Variants in ZNF804B observed in about 807,000 individuals in gnomAD.
ZNF804B encodes the protein zinc finger protein 804B, also known as zinc finger 804B.
ZNF804B carries 80 observed loss-of-function variants against 101.4 expected under a neutral mutation model. That is an observed-to-expected ratio of 0.79 (90% confidence interval 0.66 to 0.95). ZNF804B has a LOEUF of 0.95. Ranked by LOEUF, ZNF804B falls within the 40% of genes least tolerant of loss-of-function variation. ZNF804B has a pLI of 0.00. For missense variants in ZNF804B, 1,673 were observed against 1,561.9 expected (o/e 1.07, Z -1.20); for synonymous variants, 622 against 558.8 (o/e 1.11, Z -1.59).
At chr7:89,152,426 GT>G (rs1297140849) in intron 1 of ZNF804B, among the ~76,000 whole-genome samples, 1 of 151,548 alleles carries the variant, frequency 6.6e-6, no homozygotes, top group Non-Finnish European at 1.5e-5. Flanking sequence ...TTCAGCTTCA[GT>G]TTTTTTCTAT....
chr7:88,979,151 GTTA>G (rs760049932), intron 1 of ZNF804B, among the ~76,000 whole-genome samples: 5 of 151,838 alleles, frequency 3.3e-5, no homozygotes, highest in African/African-American at 7.2e-5. Flanking sequence ...AGTTATTGTA[GTTA>G]TTATTTTTGA....
intron 1 of ZNF804B, among the ~76,000 whole-genome samples, chr7:89,040,398 G>A (rs1039087607): frequency 6.6e-6 from 1 of 151,806 alleles, no homozygotes; most frequent in Non-Finnish European, 1.5e-5. Flanking sequence ...ACTTGACTGA[G>A]CTATCTGTTG....
chr7:88,994,552 C>T (rs1048539196), intron 1 of ZNF804B, among the ~76,000 whole-genome samples: 2 of 152,042 alleles, frequency 1.3e-5, no homozygotes, highest in African/African-American at 4.8e-5. Context: ...ACTTAAGTCA[C>T]TAATTGCTTC....
intron 1 of ZNF804B, among the ~76,000 whole-genome samples, chr7:89,064,804 G>T (rs1191743117): frequency 6.6e-6 from 1 of 152,056 alleles, no homozygotes; most frequent in Non-Finnish European, 1.5e-5. Context: ...GTGGAAGGTG[G>T]TCACATCATA....
At chr7:88,893,601 G>A (rs1792244923) in intron 1 of ZNF804B, among the ~76,000 whole-genome samples, 1 of 152,064 alleles carries the variant, frequency 6.6e-6, no homozygotes, top group Non-Finnish European at 1.5e-5. Context: ...ATAGAGTGTT[G>A]AACTTAATAG....
intron 1 of ZNF804B, among the ~76,000 whole-genome samples, chr7:89,199,833 ATG>A (rs994219761): frequency 3.3e-5 from 5 of 149,510 alleles, no homozygotes; most frequent in South Asian, 2.1e-4. Context: ...ACATCCATAT[ATG>A]TGTGTGTGTA....
chr7:89,233,128 G>A (rs879547401), intron 2 of ZNF804B, among the ~76,000 whole-genome samples: 8 of 151,868 alleles, frequency 5.3e-5, no homozygotes, highest in Non-Finnish European at 1.0e-4. Context: ...GGGTTTCCCC[G>A]TGTTAGCCAG....
At chr7:88,847,414 T>C (rs1224691077) in intron 1 of ZNF804B, among the ~76,000 whole-genome samples, 1 of 152,112 alleles carries the variant, frequency 6.6e-6, no homozygotes, top group Non-Finnish European at 1.5e-5. Context: ...TTTAGGAGCT[T>C]AATTTGTAAA....
chr7:89,248,475 A>G (rs2115781114), intron 2 of ZNF804B, among the ~76,000 whole-genome samples: 1 of 130,622 alleles, frequency 7.7e-6, no homozygotes, highest in East Asian at 2.0e-4. Context: ...TGAAAAAAAA[A>G]GAAAAAAGAA....
intron 2 of ZNF804B, among the ~76,000 whole-genome samples, chr7:89,218,985 G>A (rs1004206309): frequency 6.6e-5 from 10 of 151,916 alleles, no homozygotes; most frequent in Admixed American, 1.3e-4. Flanking sequence ...TCAGTTCAAA[G>A]GTCAACTGTA....
chr7:89,267,212 C>T (rs1364950168), intron 2 of ZNF804B, among the ~76,000 whole-genome samples: 1 of 151,904 alleles, frequency 6.6e-6, no homozygotes, highest in Non-Finnish European at 1.5e-5. Flanking sequence ...TTCTTCTTTC[C>T]AAGGCTATAT....
chr7:89,324,337 T>G (rs1790866066), intron 2 of ZNF804B, among the ~76,000 whole-genome samples: 2 of 151,946 alleles, frequency 1.3e-5, no homozygotes, highest in African/African-American at 4.8e-5. Flanking sequence ...TGTCTTACAG[T>G]GATATGGCCC....
In ZNF804B at chr7:89,081,196, G is replaced by T. The variant is rs912884398; in HGVS notation, c.109-136959G>T. On this transcript the variant is annotated intron_variant, in intron 1 of 3. Transcript: ENST00000333190. ...CTTCAGGGACACTAGACAGCTCAGG[G>T]CTAGAAATTTGAAACTTATTCAGTG... Among the ~76,000 whole-genome samples, 18 of 151,922 alleles carry T rather than the reference G, an allele frequency of 1.2e-4. No homozygotes were observed. The South Asian group carries it at 2.3e-3, about 19-fold the overall frequency.
At chr7:89,147,717 G>A (rs925239750) in intron 1 of ZNF804B, among the ~76,000 whole-genome samples, 9 of 151,886 alleles carry the variant, frequency 5.9e-5, no homozygotes, top group African/African-American at 2.2e-4. Context: ...TGTCAGATCA[G>A]CAGCAGAATT....
intron 1 of ZNF804B, among the ~76,000 whole-genome samples, chr7:88,855,509 T>C (rs1364167590): frequency 6.6e-6 from 1 of 152,144 alleles, no homozygotes; most frequent in Non-Finnish European, 1.5e-5. Flanking sequence ...TATTAGCCCT[T>C]TGTCAGATGA....
At chr7:89,314,546 T>C (rs1790691895) in intron 2 of ZNF804B, among the ~76,000 whole-genome samples, 1 of 152,218 alleles carries the variant, frequency 6.6e-6, no homozygotes, top group African/African-American at 2.4e-5. Flanking sequence ...TATTTTAACA[T>C]GATTATAATT....
intron 1 of ZNF804B, among the ~76,000 whole-genome samples, chr7:89,084,104 G>T (rs1789738158): frequency 6.6e-6 from 1 of 151,928 alleles, no homozygotes; most frequent in Admixed American, 6.6e-5. Context: ...CAAAATCTGG[G>T]TGGACACACA....
chr7:88,878,447 A>G (rs954882304), intron 1 of ZNF804B, among the ~76,000 whole-genome samples: 2 of 152,186 alleles, frequency 1.3e-5, no homozygotes, highest in Non-Finnish European at 2.9e-5. Context: ...AGGATAGATT[A>G]CTCAGTATTC....
intron 1 of ZNF804B, among the ~76,000 whole-genome samples, chr7:89,037,074 A>G (rs1332659971): frequency 6.6e-6 from 1 of 152,154 alleles, no homozygotes; most frequent in African/African-American, 2.4e-5. Flanking sequence ...GAATGAGACA[A>G]TTTTAACCTA....
Sources: gnomAD v4.1 joint callset for allele counts (sites outside exome capture counted in the v4.1 genomes callset) on GRCh38, gnomAD v4.1.1 for gene constraint, MANE v1.5 for transcripts, NCBI Gene and HGNC (gene_info 2026-07-23, HGNC 2026-07-21) for gene names.